The following GALK2 variants were observed in gnomAD, a reference collection of about 807,000 sequenced individuals.
The protein encoded by GALK2 is galactokinase 2.
In GALK2, 36 loss-of-function variants were observed where a neutral mutation model predicts 52.4. The observed-to-expected ratio is 0.69, with a 90% CI of 0.53 to 0.91. GALK2 has a LOEUF of 0.91. Among genes scored for constraint, GALK2 ranks in the 40% least tolerant of loss-of-function variants. The pLI is 0.00. For synonymous variants in GALK2, 176 were observed against 199.1 expected, an observed-to-expected ratio of 0.88 and a Z score of 0.98; for missense variants, 579 against 559.1, an observed-to-expected ratio of 1.04 and a Z score of -0.36.
chr15:49,232,782 G>T (rs1880448568), intron 3 of GALK2, among the ~76,000 whole-genome samples: 1 of 152,060 alleles, frequency 6.6e-6, no homozygotes, highest in African/African-American at 2.4e-5. Flanking sequence ...CAGGCTCTTT[G>T]TTAATGCATA....
chr15:49,354,539 C>T (rs573926964), intron 3 of GALK2, among the ~76,000 whole-genome samples: 24 of 152,270 alleles, frequency 1.6e-4, no homozygotes, highest in African/African-American at 2.4e-4. Flanking sequence ...CTTTTCCGAC[C>T]GGCTTAAAAA....
At chr15:49,166,708 C>G (rs2084835203), upstream of GALK2, among the ~76,000 whole-genome samples, 8 of 152,018 alleles carry the variant, frequency 5.3e-5, no homozygotes, top group Admixed American at 5.2e-4. Flanking sequence ...GAGACTTGGT[C>G]TCAACAACAA....
chr15:49,224,789 T>C (rs2090035749), intron 3 of GALK2, among the ~76,000 whole-genome samples: 1 of 152,222 alleles, frequency 6.6e-6, no homozygotes, highest in Admixed American at 6.5e-5. Flanking sequence ...TTTTTTCCTT[T>C]TACTTTAGTT....
intron 7 of GALK2, among the ~76,000 whole-genome samples, chr15:49,284,861 A>C (rs2033161174): frequency 2.6e-5 from 4 of 152,146 alleles, no homozygotes. Context: ...GTGTGGCTGC[A>C]GGGAACTCAC....
downstream of GALK2, chr15:49,331,909 T>C (rs2038839866): frequency 1.1e-6 from 1 of 930,402 alleles, no homozygotes; most frequent in African/African-American, 1.6e-5. Flanking sequence ...TGACACCATC[T>C]AAATAGCCAA....
At chr15:49,186,494 A>T (rs1206573308) in intron 1 of GALK2, among the ~76,000 whole-genome samples, 2 of 150,070 alleles carry the variant, frequency 1.3e-5, no homozygotes, top group African/African-American at 2.5e-5. Context: ...TGTTAAATTT[A>T]TCTGATAAGA....
chr15:49,170,859 A>T (rs2085029598), intron 1 of GALK2, among the ~76,000 whole-genome samples: 1 of 152,172 alleles, frequency 6.6e-6, no homozygotes, highest in Non-Finnish European at 1.5e-5. Context: ...ATTTGCTGGC[A>T]GTCCCTAGCT....
chr15:49,245,996 G>A (rs906541989), intron 5 of GALK2, among the ~76,000 whole-genome samples: 9 of 152,154 alleles, frequency 5.9e-5, no homozygotes, highest in African/African-American at 1.7e-4. Context: ...TGTTAACAAT[G>A]TTGTGTTTAG....
chr15:49,203,452 ATATTT>A (rs2087967418), intron 2 of GALK2, among the ~76,000 whole-genome samples: 1 of 152,178 alleles, frequency 6.6e-6, no homozygotes, highest in African/African-American at 2.4e-5. Context: ...TAGTTTACAA[ATATTT>A]TATCCCTTTC....
At chr15:49,299,810 G>C (rs1214567136) in intron 8 of GALK2, among the ~76,000 whole-genome samples, 1 of 115,390 alleles carries the variant, frequency 8.7e-6, no homozygotes, top group Non-Finnish European at 1.8e-5. Flanking sequence ...TGTAGTCTGA[G>C]AGCGTGATTG....
At chr15:49,189,561 G>T (rs905304378) in intron 1 of GALK2, among the ~76,000 whole-genome samples, 3 of 151,956 alleles carry the variant, frequency 2.0e-5, no homozygotes, top group Non-Finnish European at 4.4e-5. Flanking sequence ...ATAATAACTA[G>T]AAATAAAATA....
chr15:49,239,410 T>C, intron 5 of GALK2, 43 bp downstream of exon 5: 1 of 1,569,996 alleles, frequency 6.4e-7, no homozygotes, highest in Non-Finnish European at 8.7e-7. Flanking sequence ...CCTCTCCTAA[T>C]AATCATTAGC....
At chr15:49,208,447 G>T (rs887224051) in intron 2 of GALK2, among the ~76,000 whole-genome samples, 3 of 152,148 alleles carry the variant, frequency 2.0e-5, no homozygotes, top group Non-Finnish European at 2.9e-5. Context: ...TAATTTCCAT[G>T]TATTTGCATG....
intron 1 of GALK2, among the ~76,000 whole-genome samples, chr15:49,190,117 C>T (rs914662572): frequency 6.6e-6 from 1 of 152,064 alleles, no homozygotes; most frequent in Non-Finnish European, 1.5e-5. Flanking sequence ...TGAAAAACTT[C>T]GAAATGGACC....
At chr15:49,205,719 A>G (rs2088224003) in intron 2 of GALK2, among the ~76,000 whole-genome samples, 1 of 152,102 alleles carries the variant, frequency 6.6e-6, no homozygotes, top group African/African-American at 2.4e-5. Context: ...TTGCCATGCA[A>G]AAGCTCTTTA....
chr15:49,202,400 A>G (rs984726943), intron 2 of GALK2, among the ~76,000 whole-genome samples: 1 of 152,034 alleles, frequency 6.6e-6, no homozygotes, highest in African/African-American at 2.4e-5. Flanking sequence ...TTTATCCTCT[A>G]TTTTTATGAG....
At chr15:49,316,292 TTATCTACGAAAG>T (rs918423495) in intron 8 of GALK2, among the ~76,000 whole-genome samples, 1 of 152,020 alleles carries the variant, frequency 6.6e-6, no homozygotes, top group African/African-American at 2.4e-5. Flanking sequence ...GATATAGTGG[TTATCTACGAAAG>T]TAAGAGTTAT....
intron 3 of GALK2, among the ~76,000 whole-genome samples, chr15:49,342,851 C>A (rs1482117776): frequency 7.2e-5 from 11 of 152,106 alleles, no homozygotes; most frequent in African/African-American, 2.4e-4. Flanking sequence ...TGAAAATAGG[C>A]CCCCAATCTC....
Position 49,217,265 on chromosome 15 carries a change from C to A in GALK2, c.218C>A (p.Pro73His). ...CAAGATGTGCTAATAGCTGTAGAAC[C>A]TGTGAAAACGTACGCTCTCCAACTG... ...VEQDVLIAVEPVKTYALQLAN... is the reference protein window; with the variant it reads ...VEQDVLIAVEHVKTYALQLAN... The change falls in exon 3 of 10, where the codon CCT becomes CAT. Residue 73 changes from proline (P) to histidine (H), a missense_variant. Coordinates refer to ENST00000560031, the MANE Select transcript of GALK2 (RefSeq NM_002044.4). The A allele has an allele frequency of 6.2e-7, 1 of 1,613,670 alleles. No individual in the cohort carries two copies. The highest frequency in any genetic ancestry group is 8.5e-7 in the Non-Finnish European group (1 of 1,179,652).
Sources: gnomAD v4.1 joint callset for allele counts (sites outside exome capture counted in the v4.1 genomes callset) on GRCh38, gnomAD v4.1.1 for gene constraint, MANE v1.5 for transcripts, NCBI Gene and HGNC (gene_info 2026-07-23, HGNC 2026-07-21) for gene names.